LRRK1: variants seen among roughly 807,000 people sequenced by gnomAD.
LRRK1 encodes leucine rich repeat kinase 1.
Under a neutral mutation model 209.1 loss-of-function variants are expected in LRRK1, and 113 were observed. The ratio of observed to expected loss-of-function variants is 0.54; its 90% CI spans 0.46 to 0.63. LRRK1 has a LOEUF of 0.63. Among genes scored for constraint, LRRK1 ranks in the 30% least tolerant of loss-of-function variants. The pLI is 0.00. For synonymous variants in LRRK1, 1,144 were observed against 1,099.7 expected, an observed-to-expected ratio of 1.04 and a Z score of -0.80; for missense variants, 2,284 against 2,632.2, an observed-to-expected ratio of 0.87 and a Z score of 2.89.
At chr15:101,064,058 C>T (rs1043755107) in intron 31 of LRRK1, among the ~76,000 whole-genome samples, 1 of 152,262 alleles carries the variant, frequency 6.6e-6, no homozygotes, top group Non-Finnish European at 1.5e-5. Flanking sequence ...AGGCCGCCAG[C>T]GCGAAGCCTG....
chr15:101,064,948 A>G (rs2031607015), intron 31 of LRRK1: 2 of 239,666 alleles, frequency 8.3e-6, no homozygotes, highest in Non-Finnish European at 1.6e-5. Context: ...GTTAAGCAGC[A>G]CCGAGAAAAG....
rs532668760 is a variant in LRRK1, at chr15:101,062,096, C to T, written c.4798-478C>T. On this transcript the variant is annotated intron_variant, in intron 30 of 33. Coordinates refer to ENST00000388948, the MANE Select transcript of LRRK1 (RefSeq NM_024652.6). ...CCAAGAGATGCTCCCACAACATTTC[C>T]TCCTAGAATGGGCGAGAGCAAGGGC... 2.6e-5 allele frequency among the ~76,000 whole-genome samples: 4 copies of T among 152,350 alleles called. No homozygotes were observed. The South Asian group carries it at 8.3e-4, about 32-fold the overall frequency.
intron 2 of LRRK1, among the ~76,000 whole-genome samples, chr15:100,971,333 C>CAA (rs11342420): frequency 1.7e-5 from 2 of 118,598 alleles, no homozygotes; most frequent in Admixed American, 8.3e-5. Flanking sequence ...AACTGTGTCT[C>CAA]AAAAAAAAAA....
intron 2 of LRRK1, among the ~76,000 whole-genome samples, chr15:100,955,166 C>G (rs2042728336): frequency 6.6e-6 from 1 of 152,038 alleles, no homozygotes. Flanking sequence ...TTATTTGTGT[C>G]TTTTTCAATT....
At chr15:101,045,903 C>A in intron 20 of LRRK1, 78 bp from the exon 21 acceptor site, 1 of 1,255,346 alleles carries the variant, frequency 8.0e-7, no homozygotes, top group Non-Finnish European at 1.2e-6. Flanking sequence ...GTCCCCAGAT[C>A]AGGCCATCTG....
At chr15:101,008,692 C>T (rs1052999012) in intron 6 of LRRK1, 145 bp from the exon 7 acceptor site, 3 of 653,466 alleles carry the variant, frequency 4.6e-6, no homozygotes, top group Non-Finnish European at 5.4e-6. Context: ...TGCCGGCGGC[C>T]GAGAAGGACA....
chr15:101,026,101 C>T lies in LRRK1; in HGVS notation c.2369C>T (p.Ala790Val). ...ALCRSPSGSR[A>V]TGFPDITFKH... ...TGCCGCTCCCCCTCCGGCTCCAGGG[C>T]CACAGGCTTCCCAGACATCACCTTC... The change falls in exon 17 of 34, where the codon GCC becomes GTC. Residue 790 changes from alanine (A) to valine (V), a missense_variant. Ala to Val is a moderately conservative substitution (Grantham distance 64, BLOSUM62 0). Coordinates refer to ENST00000388948, the MANE Select transcript of LRRK1 (RefSeq NM_024652.6). 1 of 1,614,270 alleles carries T rather than the reference C, an allele frequency of 6.2e-7. No homozygotes were observed. The highest frequency in any genetic ancestry group is 8.5e-7 in the Non-Finnish European group (1 of 1,180,046).
intron 23 of LRRK1, among the ~76,000 whole-genome samples, chr15:101,051,335 G>T (rs1178141194): frequency 6.6e-6 from 1 of 152,200 alleles, no homozygotes; most frequent in East Asian, 1.9e-4. Context: ...TGTAAGAAGG[G>T]TGCCTTCCCC....
chr15:101,054,647 A>T, intron 26 of LRRK1, among the ~76,000 whole-genome samples: 1 of 152,108 alleles, frequency 6.6e-6, no homozygotes, highest in East Asian at 1.9e-4. Context: ...TGTCTACTAA[A>T]AATACGAAAA....
Position 101,053,273 on chromosome 15 carries a change from G to C in LRRK1, c.3907G>C (p.Glu1303Gln). Residue 1303 changes from glutamate to glutamine, a missense_variant, in exon 26 of 34, where the codon GAG (glutamate) becomes CAG (glutamine). By Grantham distance (29) the Glu-to-Gln change is conservative (BLOSUM62 2). Coordinates refer to ENST00000388948, the MANE Select transcript of LRRK1 (RefSeq NM_024652.6). Reference protein sequence around the residue: ...RATDAMKNFSEFRQEASMLHA... With the variant: ...RATDAMKNFSQFRQEASMLHA... ...CACCGATGCCATGAAGAACTTCTCC[G>C]AGTTCCGGCAGGAGGCCAGCATGCT... The C allele has an allele frequency of 6.2e-7, 1 of 1,606,894 alleles. No individual in the cohort carries two copies. Among genetic ancestry groups the C allele is most frequent in the Non-Finnish European group, 8.5e-7 (1 of 1,179,972 alleles).
In LRRK1 at chr15:101,005,794, A is replaced by G. The variant is rs1360359378; in HGVS notation, c.763-3043A>G. ...TGGGGATGACTTGGGTGTCAAAAAA[A>G]TAATGATACTTGGGAAAAAAAAGAA... On this transcript the variant is annotated intron_variant, in intron 6 of 33. Coordinates refer to ENST00000388948, the MANE Select transcript of LRRK1 (RefSeq NM_024652.6). Among the ~76,000 whole-genome samples the G allele has an allele frequency of 5.5e-5, 7 of 127,302 alleles. No homozygotes were observed. The Admixed American group carries it at 5.5e-4, about 10-fold the overall frequency. 83.5% of individuals were successfully genotyped at this position (127,302 alleles called of 152,430 possible). A position where few individuals can be genotyped will look rare whatever the true frequency, so the allele number is the denominator to read the frequency against.
At chr15:100,941,372 A>C (rs868812079) in intron 2 of LRRK1, among the ~76,000 whole-genome samples, 8 of 47,572 alleles carry the variant, frequency 1.7e-4, no homozygotes, top group South Asian at 7.2e-4. Flanking sequence ...GTGTGCCTGT[A>C]TGTGTGTGTC....
chr15:101,065,765 C>A lies in LRRK1; in HGVS notation c.5328C>A (p.Phe1776Leu). ...STTYQLCARY[F>L]CGVPSPLRDM... ...CCTACCAGCTGTGTGCCCGGTACTT[C>A]TGCGGGGTCCCCAGCCCCCTCAGGG... is the stretch of plus-strand genomic sequence containing the variant. Residue 1776 changes from phenylalanine (F) to leucine (L), a missense_variant, in exon 32 of 34, where the codon TTC (phenylalanine) becomes TTA (leucine). By Grantham distance (22) the Phe-to-Leu change is conservative. Around this residue, in one of 6 missense-constraint regions of LRRK1, gnomAD observed 643 missense variants for 695.9 expected, o/e 0.92. Coordinates refer to ENST00000388948, the MANE Select transcript of LRRK1 (RefSeq NM_024652.6). 1 of 1,614,164 alleles carries A rather than the reference C, an allele frequency of 6.2e-7. No individual in the cohort carries two copies. The highest frequency in any genetic ancestry group is 8.5e-7 in the Non-Finnish European group (1 of 1,180,036).
chr15:101,019,639 G>A (rs1453523161), intron 12 of LRRK1, among the ~76,000 whole-genome samples: 4 of 152,136 alleles, frequency 2.6e-5, no homozygotes, highest in African/African-American at 9.7e-5. Flanking sequence ...GCCGAGGCGG[G>A]GTAGCTATGA....
At chr15:101,009,213 C>T in intron 7 of LRRK1, 150 bp downstream of exon 7, 1 of 656,900 alleles carries the variant, frequency 1.5e-6, no homozygotes, top group Non-Finnish European at 2.6e-6. Context: ...TGAGGCAAGC[C>T]TCCCTTTCAG....
chr15:101,025,886 C>T (rs2034004759), intron 16 of LRRK1, 79 bp from the exon 17 acceptor site: 2 of 1,515,064 alleles, frequency 1.3e-6, no homozygotes, highest in Non-Finnish European at 1.8e-6. Flanking sequence ...GGTCAGCGCA[C>T]CTGCACAGCT....
chr15:101,019,768 C>T (rs765832747), intron 12 of LRRK1, among the ~76,000 whole-genome samples: 1 of 152,144 alleles, frequency 6.6e-6, no homozygotes, highest in Non-Finnish European at 1.5e-5. Flanking sequence ...TTGAATTCTC[C>T]GAGCTCCCAG....
chr15:101,041,869 CAAT>C (rs1274294873), intron 20 of LRRK1, among the ~76,000 whole-genome samples: 1 of 152,032 alleles, frequency 6.6e-6, no homozygotes, highest in Non-Finnish European at 1.5e-5. Context: ...AAATTAACAA[CAAT>C]AACAACAAAA....
chr15:100,936,495 C>G (rs1200827542), intron 2 of LRRK1, among the ~76,000 whole-genome samples: 1 of 152,218 alleles, frequency 6.6e-6, no homozygotes, highest in African/African-American at 2.4e-5. Context: ...AATCACAAAG[C>G]CTGAATCTGC....
Sources: gnomAD v4.1 joint callset for allele counts (sites outside exome capture counted in the v4.1 genomes callset) on GRCh38, gnomAD v4.1.1 for gene constraint, gnomAD v4.1.1 regional missense constraint, MANE v1.5 for transcripts, NCBI Gene and HGNC (gene_info 2026-07-23, HGNC 2026-07-21) for gene names.